The following AMMECR1 variants were observed in gnomAD, a reference collection of about 807,000 sequenced individuals.
AMMECR1 encodes the protein nuclear protein AMMECR1.
In AMMECR1, 3 loss-of-function variants were observed where a neutral mutation model predicts 22.5. The ratio of observed to expected loss-of-function variants is 0.13; its 90% CI spans 0.06 to 0.35. The LOEUF is 0.35. Among genes scored for constraint, AMMECR1 ranks in the 10% least tolerant of loss-of-function variants. AMMECR1 has a pLI of 1.00. For missense variants in AMMECR1, 235 were observed against 278.7 expected (o/e 0.84, Z 1.12); for synonymous variants, 130 against 116.7 (o/e 1.11, Z -0.74).
rs754942099 is a variant in AMMECR1, at chrX:110,345,501, A to AAT, written c.-147-27654_-147-27653dup. ...CTAGAACTTAAAGTGTAATAAAAAA[A>AAT]ATATATATATATATATAAAAAGAAA... On this transcript the variant is annotated intron_variant, in intron 2 of 7. Transcript: ENST00000372057. Among the ~76,000 whole-genome samples, 739 of 107,219 alleles carry AAT rather than the reference A, an allele frequency of 6.9e-3. 7 individuals carry two copies. Among genetic ancestry groups the AAT allele is most frequent in the African/African-American group, 0.023 (687 of 29,330 alleles). 93.1% of individuals were successfully genotyped at this position (107,219 alleles called of 115,157 possible).
chrX:110,254,864 T>G (rs2067703000), intron 2 of AMMECR1, among the ~76,000 whole-genome samples: 1 of 112,020 alleles, frequency 8.9e-6, no homozygotes, highest in African/African-American at 3.2e-5. Context: ...CATCTCAATG[T>G]TGTTAAGCAT....
intron 2 of AMMECR1, among the ~76,000 whole-genome samples, chrX:110,349,721 T>G (rs2068204061): frequency 8.9e-6 from 1 of 112,108 alleles, no homozygotes; most frequent in African/African-American, 3.2e-5. Context: ...AATAATTCAT[T>G]TATTCCTCAC....
At chrX:110,287,489 C>T (rs1307392125) in intron 1 of AMMECR1, among the ~76,000 whole-genome samples, 1 of 112,051 alleles carries the variant, frequency 8.9e-6, no homozygotes, top group African/African-American at 3.2e-5. Context: ...GCAGTTCACA[C>T]TTCCTTATGT....
intron 2 of AMMECR1, among the ~76,000 whole-genome samples, chrX:110,324,838 A>C (rs1244377219): frequency 9.0e-6 from 1 of 110,633 alleles, no homozygotes; most frequent in African/African-American, 3.3e-5. Flanking sequence ...CCTGAGATGA[A>C]TCCCACTTCA....
intron 2 of AMMECR1, among the ~76,000 whole-genome samples, chrX:110,406,742 T>C (rs765027803): frequency 5.3e-5 from 6 of 112,285 alleles, no homozygotes; most frequent in South Asian, 3.7e-4. Flanking sequence ...GCATTCCTCT[T>C]TTTGGTTCTG....
At chrX:110,390,028 GT>G (rs915320528) in intron 2 of AMMECR1, among the ~76,000 whole-genome samples, 1 of 109,216 alleles carries the variant, frequency 9.2e-6, no homozygotes, top group Admixed American at 9.7e-5. Context: ...ACCATTAGTT[GT>G]TTTTTTTTCA....
intron 2 of AMMECR1, among the ~76,000 whole-genome samples, chrX:110,380,065 C>T (rs1239397978): frequency 3.6e-5 from 4 of 111,545 alleles, no homozygotes; most frequent in Non-Finnish European, 7.5e-5. Context: ...TTCCTTATCC[C>T]CATCAGATTT....
At chrX:110,375,868 C>T (rs2068373004) in intron 2 of AMMECR1, among the ~76,000 whole-genome samples, 1 of 111,779 alleles carries the variant, frequency 8.9e-6, no homozygotes, top group South Asian at 3.8e-4. Flanking sequence ...AATCTGTGTT[C>T]TGAACCATGT....
chrX:110,397,651 C>T (rs1321829804), intron 2 of AMMECR1, among the ~76,000 whole-genome samples: 1 of 110,868 alleles, frequency 9.0e-6, no homozygotes, highest in Non-Finnish European at 1.9e-5. Flanking sequence ...AGAGAAATAC[C>T]CTGGTTTCTC....
intron 2 of AMMECR1, among the ~76,000 whole-genome samples, chrX:110,405,109 A>G (rs1462465462): frequency 1.7e-4 from 15 of 90,216 alleles, no homozygotes; most frequent in African/African-American, 6.1e-4. Flanking sequence ...CCCAAGCATG[A>G]GTCAGAGCCT....
chrX:110,287,744 A>C (rs1003186425), intron 1 of AMMECR1, among the ~76,000 whole-genome samples: 5 of 111,940 alleles, frequency 4.5e-5, no homozygotes, highest in Non-Finnish European at 9.4e-5. Context: ...AATAAAAGAG[A>C]CTAAAAAGAA....
intron 2 of AMMECR1, among the ~76,000 whole-genome samples, chrX:110,397,590 C>A (rs998315127): frequency 9.0e-6 from 1 of 110,903 alleles, no homozygotes; most frequent in African/African-American, 3.3e-5. Flanking sequence ...GCCAGAGCCA[C>A]AAAGAGACAC....
chrX:110,384,235 T>C (rs868572109), intron 2 of AMMECR1, among the ~76,000 whole-genome samples: 9 of 111,061 alleles, frequency 8.1e-5, no homozygotes, highest in Admixed American at 9.6e-5. Flanking sequence ...TAGTGCCTGG[T>C]GTTAAGTATG....
intron 2 of AMMECR1, among the ~76,000 whole-genome samples, chrX:110,229,905 A>G (rs756602233): frequency 3.5e-5 from 4 of 112,940 alleles, no homozygotes; most frequent in Non-Finnish European, 7.5e-5. Flanking sequence ...GCTTACTGCT[A>G]GCACAGCAGT....
chrX:110,315,824 T>C (rs2068045292), intron 1 of AMMECR1, among the ~76,000 whole-genome samples: 1 of 111,740 alleles, frequency 8.9e-6, no homozygotes, highest in African/African-American at 3.3e-5. Flanking sequence ...CTAAGTATCA[T>C]CCCAGGACTA....
intron 1 of AMMECR1, among the ~76,000 whole-genome samples, chrX:110,275,210 C>G (rs1236774506): frequency 1.8e-5 from 2 of 111,876 alleles, no homozygotes; most frequent in African/African-American, 6.5e-5. Flanking sequence ...CTGTTATCAT[C>G]TTCCTTCAGC....
intron 3 of AMMECR1, among the ~76,000 whole-genome samples, chrX:110,214,330 G>A (rs1198447710): frequency 9.0e-6 from 1 of 110,759 alleles, no homozygotes; most frequent in East Asian, 2.8e-4. Flanking sequence ...TAATATTTAA[G>A]CCCCCTAAAA....
At chrX:110,245,469 T>C (rs1456671157) in intron 2 of AMMECR1, among the ~76,000 whole-genome samples, 3 of 111,189 alleles carry the variant, frequency 2.7e-5, no homozygotes, top group Non-Finnish European at 5.7e-5. Context: ...TAGTATTTAT[T>C]GCAGGGGGAA....
At chrX:110,369,285 T>C (rs2068320821) in intron 2 of AMMECR1, among the ~76,000 whole-genome samples, 1 of 111,229 alleles carries the variant, frequency 9.0e-6, no homozygotes, top group Non-Finnish European at 1.9e-5. Flanking sequence ...TGAGCAGAGA[T>C]GGCACCACTG....
Sources: gnomAD v4.1 joint callset for allele counts (sites outside exome capture counted in the v4.1 genomes callset) on GRCh38, gnomAD v4.1.1 for gene constraint, MANE v1.5 for transcripts, NCBI Gene and HGNC (gene_info 2026-07-23, HGNC 2026-07-21) for gene names.